Variants in DNAJC6 observed in about 807,000 individuals in gnomAD.
DNAJC6 encodes DnaJ heat shock protein family (Hsp40) member C6.
A neutral mutation model predicts 110.0 loss-of-function variants in DNAJC6; 34 were observed. The ratio of observed to expected loss-of-function variants is 0.31; its 90% confidence interval spans 0.24 to 0.41. The LOEUF (loss-of-function observed/expected upper bound fraction) is 0.41. Among genes scored for constraint, DNAJC6 ranks in the 10% least tolerant of loss-of-function variants. The pLI, the probability that DNAJC6 is intolerant of heterozygous loss-of-function variation, is 1.00. For missense variants in DNAJC6, 1,031 were observed against 1,207.8 expected (o/e 0.85, Z 2.17); for synonymous variants, 406 against 437.2 (o/e 0.93, Z 0.89).
chr1:65,373,260 A>G (rs11208638), intron 4 of DNAJC6, among the ~76,000 whole-genome samples: 23,616 of 152,170 alleles, frequency 0.16, 3,529 homozygotes, highest in East Asian at 0.59. Context: ...TAGTGCTGCA[A>G]TAAACATGGG....
At position 65,309,694 on chromosome 1, in the gene DNAJC6, C is replaced by T; in HGVS notation, c.-52C>T. The T allele has an allele frequency of 6.5e-7, 1 of 1,533,160 alleles. No homozygotes were observed. 95.0% of individuals were successfully genotyped at this position (1,533,160 alleles called of 1,614,324 possible). A position where few individuals can be genotyped will look rare whatever the true frequency, so the allele number is the denominator to read the frequency against. On this transcript the variant is annotated 5_prime_UTR_variant, in exon 1 of 19. Transcript: ENST00000371069. ...TTCTTCAGCCCTTTCCACCTTCCAT[C>T]TCCCTTTTCGCTTCCCAGGTTGATT...
At chr1:65,382,906 A>G (rs1169978339) in intron 5 of DNAJC6, among the ~76,000 whole-genome samples, 1 of 152,214 alleles carries the variant, frequency 6.6e-6, no homozygotes, top group Non-Finnish European at 1.5e-5. Context: ...AGTGAGGAAG[A>G]ATAGAAGGGA....
At position 65,364,631 on chromosome 1, in the gene DNAJC6, G is replaced by A. The variant is rs1295575790; in HGVS notation, c.194-4G>A. 3 of 1,504,850 alleles carry A rather than the reference G, an allele frequency of 2.0e-6. No homozygotes were observed. The highest frequency in any genetic ancestry group is 2.6e-6 in the Non-Finnish European group (3 of 1,148,294). 93.2% of individuals were successfully genotyped at this position (1,504,850 alleles called of 1,614,324 possible). A position where few individuals can be genotyped will look rare whatever the true frequency, so the allele number is the denominator to read the frequency against. ...GTTTGTTTGTTTTTTTTTTTTTTTG[G>A]CAGGTGCCTCATCTCCAGACATGGA... On this transcript the variant is annotated splice_region_variant and splice_polypyrimidine_tract_variant and intron_variant, in intron 1 of 18. Transcript: ENST00000371069.
chr1:65,377,130 A>G (rs1570347716), intron 4 of DNAJC6, among the ~76,000 whole-genome samples: 1 of 152,218 alleles, frequency 6.6e-6, no homozygotes, highest in Non-Finnish European at 1.5e-5. Context: ...AAAATGTTCC[A>G]TGTGCTAATG....
chr1:65,285,624 TC>T (rs1162161089), intron 1 of DNAJC6, among the ~76,000 whole-genome samples: 2 of 152,218 alleles, frequency 1.3e-5, no homozygotes, highest in Non-Finnish European at 2.9e-5. Context: ...TAGCTTTCTC[TC>T]CCCGCACTAT....
chr1:65,326,692 G>C (rs1645244699), intron 1 of DNAJC6, among the ~76,000 whole-genome samples: 1 of 152,112 alleles, frequency 6.6e-6, no homozygotes. Flanking sequence ...TTCCCTTCCT[G>C]TGCATTTGCT....
rs531221758 is a variant in DNAJC6, at chr1:65,378,715, C to T, written c.544-687C>T. 2.6e-5 allele frequency among the ~76,000 whole-genome samples: 4 copies of T among 152,314 alleles called. No homozygotes were observed. The East Asian group carries it at 5.8e-4, about 22-fold the overall frequency. Reference sequence around the variant, plus strand: ...CAGAAGATCTGGGCTGCAGTGCTGACGCTGAGCAGCAGTGTGACTCTGGAT... The same window carrying T: ...CAGAAGATCTGGGCTGCAGTGCTGATGCTGAGCAGCAGTGTGACTCTGGAT... On this transcript the variant is annotated intron_variant, in intron 4 of 18. Transcript: ENST00000371069.
chr1:65,297,555 C>T (rs1308480769), intron 1 of DNAJC6, among the ~76,000 whole-genome samples: 2 of 152,170 alleles, frequency 1.3e-5, no homozygotes, highest in Non-Finnish European at 2.9e-5. Flanking sequence ...ATGACAGTGA[C>T]AGATCTGACT....
chr1:65,310,517 T>C (rs1645089500), intron 1 of DNAJC6, among the ~76,000 whole-genome samples: 1 of 152,238 alleles, frequency 6.6e-6, no homozygotes, highest in East Asian at 1.9e-4. Flanking sequence ...AGAGCTCTTT[T>C]ACACAGCTTT....
chr1:65,333,657 C>T (rs1274053992), intron 1 of DNAJC6, among the ~76,000 whole-genome samples: 1 of 151,862 alleles, frequency 6.6e-6, no homozygotes, highest in African/African-American at 2.4e-5. Context: ...ATCTTTAGAA[C>T]AATGACTTAG....
chr1:65,318,049 G>A, intron 1 of DNAJC6, among the ~76,000 whole-genome samples: 1 of 152,144 alleles, frequency 6.6e-6, no homozygotes. Flanking sequence ...GATGGTGCTG[G>A]GAAGATAAGA....
rs1027904244 is a variant in DNAJC6 at position 65,413,813 on chromosome 1, T to C, written c.*788T>C. The C allele has an allele frequency of 6.6e-6, 1 of 152,218 alleles. No homozygotes were observed. Among genetic ancestry groups the C allele is most frequent in the Non-Finnish European group, 1.5e-5 (1 of 68,036 alleles). The allele number at this position is 152,218 out of a possible 1,614,324, so 9.4% of individuals were successfully genotyped here. Reference sequence around the variant, plus strand: ...TAAAAAGTCTTACTACTATAACAACTCTAAACCTGGTTTAAATGAAACATC... The same window carrying C: ...TAAAAAGTCTTACTACTATAACAACCCTAAACCTGGTTTAAATGAAACATC... On this transcript the variant is annotated 3_prime_UTR_variant, in exon 19 of 19. Transcript: ENST00000371069.
chr1:65,269,498 T>C (rs999471862), intron 1 of DNAJC6, among the ~76,000 whole-genome samples: 13 of 152,256 alleles, frequency 8.5e-5, no homozygotes, highest in Middle Eastern at 6.8e-3. Context: ...TAAAAAATAG[T>C]GTGGTGTTCA....
Position 65,317,154 on chromosome 1 carries a change from C to T in DNAJC6, c.193+7216C>T, listed in dbSNP as rs573532500. Among the ~76,000 whole-genome samples the T allele has an allele frequency of 1.3e-4, 20 of 152,304 alleles. No individual in the cohort carries two copies. In the East Asian group the frequency reaches 3.9e-3, roughly 29 times the overall value. ...TTAACTGCTTTTTTAAATCTGTGCTCACCATCTTGAACTCCTTTTGGAAAA... is the reference window on the plus strand; with the variant it reads ...TTAACTGCTTTTTTAAATCTGTGCTTACCATCTTGAACTCCTTTTGGAAAA... On this transcript the variant is annotated intron_variant, in intron 1 of 18. Coordinates refer to ENST00000371069, the MANE Select transcript of DNAJC6 (RefSeq NM_001256864.2).
chr1:65,355,905 T>C (rs1570318854), intron 1 of DNAJC6, among the ~76,000 whole-genome samples: 1 of 149,470 alleles, frequency 6.7e-6, no homozygotes. Context: ...TTTTTTTTTT[T>C]CTGGCCAAGG....
At chr1:65,305,413 A>C (rs547591597), upstream of DNAJC6, among the ~76,000 whole-genome samples, 1 of 152,296 alleles carries the variant, frequency 6.6e-6, no homozygotes, top group Non-Finnish European at 1.5e-5. Context: ...AACCCAAAAC[A>C]ATATTTTAAG....
chr1:65,410,082 T>C (rs1646114762), intron 17 of DNAJC6, among the ~76,000 whole-genome samples: 1 of 152,154 alleles, frequency 6.6e-6, no homozygotes, highest in Admixed American at 6.5e-5. Flanking sequence ...TGGAATGCTC[T>C]TCACAGATGG....
chr1:65,285,418 T>C (rs1448174867), intron 1 of DNAJC6, among the ~76,000 whole-genome samples: 1 of 152,204 alleles, frequency 6.6e-6, no homozygotes, highest in Non-Finnish European at 1.5e-5. Context: ...TTATTCTTTG[T>C]CAAAGACCCT....
intron 1 of DNAJC6, among the ~76,000 whole-genome samples, chr1:65,284,039 G>A (rs1340627540): frequency 6.6e-6 from 1 of 151,934 alleles, no homozygotes; most frequent in African/African-American, 2.4e-5. Context: ...CCTGGGTCCC[G>A]GGGTCCCCTT....
Sources: allele counts gnomAD v4.1 joint callset (sites outside exome capture counted in the v4.1 genomes callset), GRCh38; gene constraint gnomAD v4.1.1; transcripts MANE v1.5; gene names NCBI Gene and HGNC (gene_info 2026-07-23, HGNC 2026-07-21).